The following PDHX variants were observed in gnomAD, a reference collection of about 807,000 sequenced individuals.
The protein encoded by PDHX is pyruvate dehydrogenase protein X component, mitochondrial.
In PDHX, 33 loss-of-function variants were observed where a neutral mutation model predicts 55.3. That is an observed-to-expected ratio of 0.60 (90% CI 0.45 to 0.80). The LOEUF is 0.80. PDHX is among the 30% of genes least tolerant of loss of function. PDHX has a pLI of 0.00. For synonymous variants in PDHX, 226 were observed against 219.4 expected (o/e 1.03, Z -0.27); for missense variants, 622 against 619.9 (o/e 1.00, Z -0.04).
At chr11:34,930,066 C>T (rs905627913) in intron 1 of PDHX, among the ~76,000 whole-genome samples, 3 of 152,190 alleles carry the variant, frequency 2.0e-5, no homozygotes, top group Non-Finnish European at 2.9e-5. Flanking sequence ...ACCTGGTGGG[C>T]CCTGATGGCA....
At chr11:34,966,921 G>A in intron 6 of PDHX, 107 bp downstream of exon 6, 11 of 963,314 alleles carry the variant, frequency 1.1e-5, no homozygotes, top group South Asian at 2.8e-5. Context: ...GCACAATCTT[G>A]GCTCACTGCA....
intron 3 of PDHX, 93 bp downstream of exon 3, chr11:34,947,699 A>G (rs1590744078): frequency 6.0e-6 from 5 of 832,506 alleles, no homozygotes; most frequent in East Asian, 2.5e-5. Flanking sequence ...TTGCCTCCTT[A>G]TTTTTAATGT....
At chr11:34,948,573 CT>C (rs34358212) in intron 3 of PDHX, among the ~76,000 whole-genome samples, 80,962 of 134,876 alleles carry the variant, frequency 0.6, 24,808 homozygotes, top group East Asian at 0.72. Context: ...TCCTCTTTTC[CT>C]TTTTTTTTTT....
rs568573536 is a variant in PDHX at position 34,982,405 on chromosome 11, A to C, written c.1024-2165A>C. Among the ~76,000 whole-genome samples the C allele has an allele frequency of 2.0e-5, 3 of 152,318 alleles. No individual in the cohort carries two copies. In the South Asian group the frequency reaches 6.2e-4, roughly 32 times the overall value. ...ACAAATTCAAAAGCTAGCAGAAGGC[A>C]AGAAATAACTAAGATCAGAGCAGAA... On this transcript the variant is annotated intron_variant, in intron 8 of 10. Transcript: ENST00000227868.
intron 5 of PDHX, among the ~76,000 whole-genome samples, chr11:34,964,896 T>G (rs1855098133): frequency 6.6e-6 from 1 of 152,228 alleles, no homozygotes; most frequent in African/African-American, 2.4e-5. Context: ...AATATGCTAA[T>G]AAGTAATAGT....
rs556962650 is a variant in PDHX, at chr11:34,956,724, A to G, written c.343-660A>G. On this transcript the variant is annotated intron_variant, in intron 3 of 10. Coordinates refer to ENST00000227868, the MANE Select transcript of PDHX (RefSeq NM_003477.3). ...GAAGAAATGCTTTATTAACTGAGAC[A>G]CCACTGTGTTTCTGATATACTTATA... Among the ~76,000 whole-genome samples, 186 of 152,236 alleles carry G rather than the reference A, an allele frequency of 1.2e-3. No homozygotes were observed. The Middle Eastern group carries it at 0.014, about 11-fold the overall frequency.
At chr11:34,959,879 C>G (rs561044212) in intron 4 of PDHX, among the ~76,000 whole-genome samples, 5 of 151,930 alleles carry the variant, frequency 3.3e-5, no homozygotes, top group South Asian at 2.1e-4. Flanking sequence ...AGAATGGTTA[C>G]CAGGGGTTGG....
intron 5 of PDHX, among the ~76,000 whole-genome samples, chr11:34,964,909 T>A (rs1351615035): frequency 1.4e-5 from 2 of 146,020 alleles, no homozygotes; most frequent in Non-Finnish European, 1.5e-5. Flanking sequence ...GTAATAGTTA[T>A]GCTAAAAATG....
intron 9 of PDHX, among the ~76,000 whole-genome samples, chr11:34,986,932 C>T (rs560701390): frequency 6.6e-6 from 1 of 152,342 alleles, no homozygotes; most frequent in African/African-American, 2.4e-5. Flanking sequence ...ATGCCAGGCA[C>T]TGGGCTAAGT....
rs537958415 is a variant in PDHX at position 34,979,799 on chromosome 11, A to G, written c.1023+1617A>G. ...TTGGATAATGTTTGTATCCAGAGTC[A>G]TAAGTAGTGGTAATTTAAATTTTGT... On this transcript the variant is annotated intron_variant, in intron 8 of 10. Transcript: ENST00000227868. 7.0e-4 allele frequency among the ~76,000 whole-genome samples: 106 copies of G among 152,272 alleles called. 1 individual carries two copies. Among genetic ancestry groups the G allele is most frequent in the African/African-American group, 2.3e-3 (94 of 41,580 alleles).
At chr11:34,929,427 C>A (rs1420972800) in intron 1 of PDHX, among the ~76,000 whole-genome samples, 5 of 152,116 alleles carry the variant, frequency 3.3e-5, no homozygotes. Context: ...TGGGGTTTCG[C>A]CATGTTGGCC....
At chr11:34,989,267 C>T (rs1325501587) in intron 9 of PDHX, among the ~76,000 whole-genome samples, 6 of 152,174 alleles carry the variant, frequency 3.9e-5, no homozygotes, top group South Asian at 2.1e-4. Flanking sequence ...TGTCCTTATG[C>T]GGCACATGAC....
intron 5 of PDHX, among the ~76,000 whole-genome samples, chr11:34,964,379 G>A (rs374451504): frequency 9.2e-5 from 14 of 152,240 alleles, no homozygotes; most frequent in African/African-American, 3.1e-4. Context: ...CAAGGCTGGC[G>A]AATCACTTGA....
Position 34,960,448 on chromosome 11 carries a change from A to AT in PDHX, c.573dup (p.Leu192SerfsTer9), listed in dbSNP as rs1467689293. The AT allele has an allele frequency of 6.2e-7, 1 of 1,613,484 alleles. No individual in the cohort carries two copies. Among genetic ancestry groups the AT allele is most frequent in the Non-Finnish European group, 8.5e-7 (1 of 1,179,592 alleles). On this transcript the variant is annotated frameshift_variant, in exon 5 of 11. Transcript: ENST00000227868. LOFTEE classifies it high-confidence loss of function. Reference sequence around the variant, plus strand: ...CCGTTTAAGTCCAGCTGCCCGCAATATTCTGGAAAAACACTCACTGGATGC... The same window carrying AT: ...CCGTTTAAGTCCAGCTGCCCGCAATATTTCTGGAAAAACACTCACTGGATGC...
chr11:34,924,236 C>CTTCT (rs765034945), intron 1 of PDHX, among the ~76,000 whole-genome samples: 1 of 151,796 alleles, frequency 6.6e-6, no homozygotes, highest in African/African-American at 2.4e-5. Context: ...CATGTGTTAC[C>CTTCT]TTCTTTCTTT....
intron 8 of PDHX, among the ~76,000 whole-genome samples, chr11:34,982,257 G>A (rs1360487124): frequency 6.6e-6 from 1 of 152,112 alleles, no homozygotes; most frequent in Non-Finnish European, 1.5e-5. Context: ...ATTAAATAGG[G>A]AATCGTTTCC....
chr11:34,922,650 T>G (rs146872091), intron 1 of PDHX, among the ~76,000 whole-genome samples: 496 of 152,308 alleles, frequency 3.3e-3, no homozygotes, highest in African/African-American at 0.011. Flanking sequence ...TAGACTAGCA[T>G]TTCTGTGACA....
chr11:34,940,857 G>A (rs2133955967), intron 2 of PDHX, among the ~76,000 whole-genome samples: 1 of 152,184 alleles, frequency 6.6e-6, no homozygotes, highest in South Asian at 2.1e-4. Context: ...GCATGATTAA[G>A]GTTCATCCAT....
intron 6 of PDHX, among the ~76,000 whole-genome samples, chr11:34,967,376 T>C (rs1855160793): frequency 6.6e-6 from 1 of 152,248 alleles, no homozygotes; most frequent in Non-Finnish European, 1.5e-5. Flanking sequence ...TAATTCAATT[T>C]AAAGTTACCA....
Sources: gnomAD v4.1 joint callset for allele counts (sites outside exome capture counted in the v4.1 genomes callset) on GRCh38, gnomAD v4.1.1 for gene constraint, MANE v1.5 for transcripts, NCBI Gene and HGNC (gene_info 2026-07-23, HGNC 2026-07-21) for gene names.